VAV1: variants seen among roughly 807,000 people sequenced by gnomAD.
VAV1 encodes the protein proto-oncogene vav.
In VAV1, 33 loss-of-function variants were observed where a neutral mutation model predicts 128.1. That is an observed-to-expected ratio of 0.26 (90% CI 0.20 to 0.34). The LOEUF (loss-of-function observed/expected upper bound fraction) is 0.34. Among genes scored for constraint, VAV1 ranks in the 10% least tolerant of loss-of-function variants. The pLI is 1.00. For synonymous variants in VAV1, 394 were observed against 409.8 expected, an observed-to-expected ratio of 0.96 and a Z score of 0.47; for missense variants, 715 against 1,093.7, an observed-to-expected ratio of 0.65 and a Z score of 4.88.
chr19:6,821,895 G>C (rs1204482940), intron 4 of VAV1, 36 bp downstream of exon 4: 9 of 1,613,618 alleles, frequency 5.6e-6, no homozygotes, highest in Non-Finnish European at 7.6e-6. Flanking sequence ...CAGCTCACTG[G>C]AGCACCGTCC....
At chr19:6,804,574 G>A (rs1324215677) in intron 1 of VAV1, among the ~76,000 whole-genome samples, 2 of 151,632 alleles carry the variant, frequency 1.3e-5, no homozygotes, top group African/African-American at 4.8e-5. Flanking sequence ...GTGCCACCAC[G>A]CCTGACTAAC....
At chr19:6,796,147 G>A (rs1426914075) in intron 1 of VAV1, among the ~76,000 whole-genome samples, 1 of 152,146 alleles carries the variant, frequency 6.6e-6, no homozygotes, top group Non-Finnish European at 1.5e-5. Context: ...TTGCATTGGG[G>A]ATTATACGTT....
chr19:6,853,920 T>C (rs1446594649), intron 25 of VAV1, 27 bp from the exon 26 acceptor site: 4 of 1,601,944 alleles, frequency 2.5e-6, no homozygotes, highest in Non-Finnish European at 3.4e-6. Flanking sequence ...CCCAGACCCT[T>C]TTCTCACTTC....
At chr19:6,780,817 G>C (rs1228749594) in intron 1 of VAV1, among the ~76,000 whole-genome samples, 1 of 148,944 alleles carries the variant, frequency 6.7e-6, no homozygotes, top group Non-Finnish European at 1.5e-5. Flanking sequence ...CAGATGATCT[G>C]CCCGCCTCAG....
chr19:6,824,989 T>C, intron 6 of VAV1, 64 bp from the exon 7 acceptor site: 1 of 1,542,554 alleles, frequency 6.5e-7, no homozygotes, highest in African/African-American at 1.4e-5. Context: ...TTCCCCTGTC[T>C]CTCTGAGACT....
chr19:6,827,035 C>T, intron 9 of VAV1: 1 of 326,416 alleles, frequency 3.1e-6, no homozygotes, highest in South Asian at 4.3e-5. Context: ...TCCCACTTCT[C>T]ACTGAACCCC....
intron 1 of VAV1, among the ~76,000 whole-genome samples, chr19:6,776,662 T>C (rs1285490533): frequency 6.9e-6 from 1 of 144,968 alleles, no homozygotes; most frequent in Non-Finnish European, 1.5e-5. Context: ...CCATCTACTT[T>C]TCCATCCATG....
At chr19:6,841,543 C>T (rs1972378230) in intron 21 of VAV1, among the ~76,000 whole-genome samples, 2 of 148,152 alleles carry the variant, frequency 1.3e-5, no homozygotes, top group African/African-American at 2.5e-5. Context: ...GGAATGATCT[C>T]GGCTCACTGC....
At position 6,853,401 on chromosome 19, in the gene VAV1, A is replaced by C. The variant is rs188862446; in HGVS notation, c.2332+322A>C. ...GATTCTCATGCCTCAGCCTCAAAAT[A>C]AAAAAATAAAAATAAAAATTCCAAA... On this transcript the variant is annotated intron_variant, in intron 25 of 26. Transcript: ENST00000602142. Among the ~76,000 whole-genome samples, 342 of 151,958 alleles carry C rather than the reference A, an allele frequency of 2.3e-3. 2 individuals carry two copies. The Middle Eastern group carries it at 0.041, about 18-fold the overall frequency.
At chr19:6,796,252 C>CGA (rs927895396) in intron 1 of VAV1, among the ~76,000 whole-genome samples, 1 of 152,060 alleles carries the variant, frequency 6.6e-6, no homozygotes. Flanking sequence ...AGTGTGTACT[C>CGA]GAGAGAGAGG....
At position 6,783,704 on chromosome 19, in the gene VAV1, G is replaced by A. The variant is rs142977186; in HGVS notation, c.204+10693G>A. Among the ~76,000 whole-genome samples, 1,417 of 152,092 alleles carry A rather than the reference G, an allele frequency of 9.3e-3. 33 individuals are homozygous for A. The highest frequency in any genetic ancestry group is 0.033 in the African/African-American group (1,378 of 41,506). ...GGTGGTCTCGAACTCCTGACCTCGG[G>A]TGATCCACTCGCCTCGGCCTCCCAA... On this transcript the variant is annotated intron_variant, in intron 1 of 26. Transcript: ENST00000602142.
At chr19:6,808,536 T>G (rs12710098) in intron 1 of VAV1, among the ~76,000 whole-genome samples, 110,459 of 152,048 alleles carry the variant, frequency 0.73, 42,551 homozygotes, top group South Asian at 0.85. Context: ...CTTTCTACAA[T>G]GTCAAAGACC....
chr19:6,788,723 T>C (rs1970949458), intron 1 of VAV1, among the ~76,000 whole-genome samples: 1 of 152,056 alleles, frequency 6.6e-6, no homozygotes, highest in Non-Finnish European at 1.5e-5. Context: ...TGGTCACATG[T>C]CTATTTCTGA....
At chr19:6,847,134 G>T (rs895375983) in intron 22 of VAV1, among the ~76,000 whole-genome samples, 2 of 152,020 alleles carry the variant, frequency 1.3e-5, no homozygotes, top group Non-Finnish European at 2.9e-5. Context: ...GGCTGGTCTC[G>T]AACTCCTGAC....
intron 13 of VAV1, among the ~76,000 whole-genome samples, 186 bp downstream of exon 13, chr19:6,829,086 G>T (rs1000077637): frequency 2.0e-5 from 3 of 151,454 alleles, no homozygotes; most frequent in Admixed American, 6.6e-5. Context: ...GGCAGGGGCA[G>T]AGCCAGGCTT....
intron 1 of VAV1, among the ~76,000 whole-genome samples, chr19:6,783,343 A>G (rs1970807488): frequency 1.3e-5 from 2 of 152,132 alleles, no homozygotes; most frequent in South Asian, 2.1e-4. Flanking sequence ...GAGTCTCTCT[A>G]GGGCCGAGGC....
chr19:6,806,555 A>G (rs1429908731), intron 1 of VAV1, among the ~76,000 whole-genome samples: 1 of 152,150 alleles, frequency 6.6e-6, no homozygotes, highest in Admixed American at 6.5e-5. Flanking sequence ...AGGATCTCCC[A>G]CTCATGGCAG....
intron 1 of VAV1, among the ~76,000 whole-genome samples, chr19:6,775,249 T>G (rs1241284117): frequency 6.6e-6 from 1 of 152,212 alleles, no homozygotes; most frequent in Non-Finnish European, 1.5e-5. Context: ...TGGGATCTGT[T>G]AGGCCCCATC....
At chr19:6,782,887 G>A (rs1326593418) in intron 1 of VAV1, among the ~76,000 whole-genome samples, 80 of 137,024 alleles carry the variant, frequency 5.8e-4, no homozygotes, top group Middle Eastern at 4.1e-3. Flanking sequence ...TGTCTCGGAA[G>A]AAAAAAAAAA....
Sources: gnomAD v4.1 joint callset for allele counts (sites outside exome capture counted in the v4.1 genomes callset) on GRCh38, gnomAD v4.1.1 for gene constraint, MANE v1.5 for transcripts, NCBI Gene and HGNC (gene_info 2026-07-23, HGNC 2026-07-21) for gene names.